The following CCSER1 variants were observed in gnomAD, a reference collection of about 807,000 sequenced individuals.
CCSER1 encodes the protein serine-rich coiled-coil domain-containing protein 1.
CCSER1 carries 41 observed loss-of-function variants against 82.0 expected under a neutral mutation model. That is an observed-to-expected ratio of 0.50 (90% CI 0.39 to 0.65). CCSER1 has a LOEUF of 0.65. Among genes scored for constraint, CCSER1 ranks in the 30% least tolerant of loss-of-function variants. CCSER1 has a pLI of 0.00. For synonymous variants in CCSER1, 414 were observed against 383.9 expected (o/e 1.08, Z -0.92); for missense variants, 1,119 against 1,064.2 (o/e 1.05, Z -0.72).
chr4:91,164,684 C>T (rs1022291850), intron 10 of CCSER1, among the ~76,000 whole-genome samples: 2 of 152,066 alleles, frequency 1.3e-5, no homozygotes, highest in Non-Finnish European at 2.9e-5. Flanking sequence ...TTCATTTGAT[C>T]TTCCATCACT....
intron 5 of CCSER1, among the ~76,000 whole-genome samples, chr4:90,625,943 G>C (rs1403084064): frequency 1.3e-5 from 2 of 152,124 alleles, no homozygotes; most frequent in African/African-American, 2.4e-5. Context: ...TACAGTGTTA[G>C]AACTTCACAC....
At chr4:91,106,078 A>G (rs899005815) in intron 10 of CCSER1, among the ~76,000 whole-genome samples, 4 of 152,212 alleles carry the variant, frequency 2.6e-5, no homozygotes, top group African/African-American at 9.6e-5. Flanking sequence ...AAGGAATTGT[A>G]GGACTGTGGC....
intron 10 of CCSER1, among the ~76,000 whole-genome samples, chr4:91,379,285 T>A (rs552157845): frequency 0.012 from 1,903 of 152,292 alleles, 22 homozygotes; most frequent in African/African-American, 0.03. Flanking sequence ...TAGGGAGGAT[T>A]CCCTCTTTTT....
At chr4:91,017,631 C>A (rs1285339264) in intron 9 of CCSER1, among the ~76,000 whole-genome samples, 1 of 151,828 alleles carries the variant, frequency 6.6e-6, no homozygotes, top group African/African-American at 2.4e-5. Flanking sequence ...TTTCTTATTT[C>A]CAGGATGTAT....
intron 4 of CCSER1, among the ~76,000 whole-genome samples, chr4:90,452,203 G>T (rs778176156): frequency 1.4e-4 from 22 of 152,122 alleles, no homozygotes; most frequent in Non-Finnish European, 7.3e-5. Context: ...GTTCTCTAAG[G>T]GGGTTTTTTT....
At chr4:90,263,916 G>T (rs73832737) in intron 1 of CCSER1, among the ~76,000 whole-genome samples, 10,664 of 152,110 alleles carry the variant, frequency 0.07, 804 homozygotes, top group East Asian at 0.25. Context: ...GAGAGCCACC[G>T]CCAACCCTCA....
intron 10 of CCSER1, among the ~76,000 whole-genome samples, chr4:91,374,323 A>C (rs1014594769): frequency 6.6e-6 from 1 of 152,156 alleles, no homozygotes; most frequent in Non-Finnish European, 1.5e-5. Flanking sequence ...GGACGGAATG[A>C]CTCCTGTTAG....
At chr4:90,590,053 C>T (rs1346482427) in intron 5 of CCSER1, among the ~76,000 whole-genome samples, 1 of 152,072 alleles carries the variant, frequency 6.6e-6, no homozygotes, top group Non-Finnish European at 1.5e-5. Context: ...GTTGGTGGAT[C>T]ACCTTAGGTC....
intron 10 of CCSER1, among the ~76,000 whole-genome samples, chr4:91,140,243 T>G (rs2148927634): frequency 6.6e-6 from 1 of 151,998 alleles, no homozygotes; most frequent in Non-Finnish European, 1.5e-5. Context: ...GAGAAAAAGA[T>G]AATAGAAAAG....
At chr4:90,551,526 C>G (rs1481211807) in intron 5 of CCSER1, among the ~76,000 whole-genome samples, 2 of 151,744 alleles carry the variant, frequency 1.3e-5, no homozygotes, top group Non-Finnish European at 2.9e-5. Flanking sequence ...CAATTGGTCC[C>G]CTGTGCATCC....
At chr4:90,710,571 A>G (rs989428410) in intron 6 of CCSER1, among the ~76,000 whole-genome samples, 1 of 152,140 alleles carries the variant, frequency 6.6e-6, no homozygotes, top group African/African-American at 2.4e-5. Flanking sequence ...TCCCAGCACC[A>G]TTTATTAAGT....
intron 10 of CCSER1, among the ~76,000 whole-genome samples, chr4:91,553,379 C>G (rs1762251512): frequency 6.6e-6 from 1 of 151,408 alleles, no homozygotes. Context: ...ATGTTCTTGT[C>G]TGGCTATGGT....
In CCSER1 at chr4:90,507,057, C is replaced by G. The variant is rs563579836; in HGVS notation, c.1724+38703C>G. On this transcript the variant is annotated intron_variant, in intron 5 of 10. Transcript: ENST00000509176. The stretch of plus-strand genomic sequence containing the variant: ...TTTTATTCAAAATTTTGACAACTAA[C>G]AAGGAAAACTGAAGAATTAAATGAA... 3.3e-5 allele frequency among the ~76,000 whole-genome samples: 5 copies of G among 152,094 alleles called. 1 individual carries two copies. In the South Asian group the frequency reaches 1.0e-3, roughly 32 times the overall value.
intron 10 of CCSER1, among the ~76,000 whole-genome samples, chr4:91,311,393 TTTTG>T (rs953101539): frequency 2.0e-5 from 3 of 151,962 alleles, no homozygotes; most frequent in Non-Finnish European, 4.4e-5. Flanking sequence ...ACTAGAGACT[TTTTG>T]TTTTTGTTGC....
chr4:90,134,610 T>C (rs1723349695), intron 1 of CCSER1, among the ~76,000 whole-genome samples: 1 of 152,332 alleles, frequency 6.6e-6, no homozygotes, highest in Admixed American at 6.5e-5. Context: ...TTCCACTTCA[T>C]ATTTGAAGTT....
chr4:90,302,815 A>AAAAC lies in CCSER1; in HGVS notation c.-41-5425_-41-5422dup, dbSNP rs539931392. 1.6e-3 allele frequency among the ~76,000 whole-genome samples: 245 copies of AAAAC among 151,896 alleles called. 1 individual carries two copies. Among genetic ancestry groups the AAAAC allele is most frequent in the Admixed American group, 3.9e-3 (59 of 15,262 alleles). On this transcript the variant is annotated intron_variant, in intron 1 of 10. Transcript: ENST00000509176. ...AAGACCTTGTCTCCAAAAACAAAAC[A>AAAAC]AAACAAAACAAAACAAAAAGGAAGA...
chr4:90,480,913 A>G (rs1765844800), intron 5 of CCSER1, among the ~76,000 whole-genome samples: 1 of 152,204 alleles, frequency 6.6e-6, no homozygotes, highest in South Asian at 2.1e-4. Context: ...AATTCTGTGA[A>G]GAAAGTCAGT....
chr4:90,794,277 A>G (rs1444016565), intron 7 of CCSER1, among the ~76,000 whole-genome samples: 2 of 152,188 alleles, frequency 1.3e-5, no homozygotes, highest in Non-Finnish European at 2.9e-5. Flanking sequence ...GTTGTCTTCC[A>G]TGGCTTTTAT....
chr4:91,159,808 T>A (rs889056625), intron 10 of CCSER1, among the ~76,000 whole-genome samples: 18 of 151,886 alleles, frequency 1.2e-4, no homozygotes, highest in African/African-American at 4.3e-4. Context: ...TAACTCAAAA[T>A]TTTTGAGGAT....
Sources: gnomAD v4.1 joint callset for allele counts (sites outside exome capture counted in the v4.1 genomes callset) on GRCh38, gnomAD v4.1.1 for gene constraint, MANE v1.5 for transcripts, NCBI Gene and HGNC (gene_info 2026-07-23, HGNC 2026-07-21) for gene names.